PGRMC2: variants seen among roughly 807,000 people sequenced by gnomAD.
PGRMC2 encodes the protein progesterone receptor membrane component 2, also known as membrane-associated progesterone receptor component 2.
Under a neutral mutation model 19.3 loss-of-function variants are expected in PGRMC2, and 9 were observed. That is an observed-to-expected ratio of 0.47 (90% CI 0.28 to 0.81). The LOEUF (loss-of-function observed/expected upper bound fraction) is 0.81, where lower values mean the gene tolerates loss of function less well. PGRMC2 is among the 40% of genes least tolerant of loss of function. The pLI is 0.11. For missense variants in PGRMC2, 289 were observed against 297.3 expected (o/e 0.97, Z 0.21); for synonymous variants, 157 against 124.6 (o/e 1.26, Z -1.73).
At chr4:128,272,566 A>T in intron 1 of PGRMC2, 49 bp from the exon 2 acceptor site, 3 of 869,896 alleles carry the variant, frequency 3.4e-6, no homozygotes, top group Non-Finnish European at 4.8e-6. Context: ...ATATTTTAGA[A>T]TGTCTCAAAG....
rs566931539 is a variant in PGRMC2, at chr4:128,269,360, TAC to T, written c.*1954_*1955del. ...TATTTAGGGTTTCTCTATTCACAAG[TAC>T]AGTTTATTACTAGACTTTAGGCTTG... On this transcript the variant is annotated 3_prime_UTR_variant, in exon 3 of 3. Coordinates refer to ENST00000296425, the MANE Select transcript of PGRMC2 (RefSeq NM_006320.6). The T allele has an allele frequency of 1.6e-3, 241 of 152,342 alleles. 1 individual carries two copies. Among genetic ancestry groups the T allele is most frequent in the African/African-American group, 5.5e-3 (227 of 41,570 alleles). 9.4% of individuals were successfully genotyped at this position (152,342 alleles called of 1,614,324 possible).
chr4:128,286,451 TCAAAA>T (rs1760984907), intron 1 of PGRMC2, among the ~76,000 whole-genome samples: 2 of 152,134 alleles, frequency 1.3e-5, no homozygotes, highest in Admixed American at 6.5e-5. Context: ...CAAAGTTCTC[TCAAAA>T]CAAAGTTCTA....
Position 128,287,444 on chromosome 4 carries a change from T to C in PGRMC2, c.347A>G (p.Asn116Ser), listed in dbSNP as rs1761001783. The C allele has an allele frequency of 1.2e-6, 2 of 1,613,300 alleles. No homozygotes were observed. The highest frequency in any genetic ancestry group is 1.3e-5 in the African/African-American group (1 of 74,864). ...EQLRQYDGSR[N>S]PRILLAVNGK... ...ATTGACCGCGAGCAGGATGCGCGGG[T>C]TGCGGGAGCCGTCGTACTGGCGCAG... Residue 116 changes from asparagine to serine, a missense_variant, in exon 1 of 3, where the codon AAC (asparagine) becomes AGC (serine). By Grantham distance (46) the Asn-to-Ser change is conservative (BLOSUM62 1). Transcript: ENST00000296425.
At chr4:128,281,308 C>G (rs1760907524) in intron 1 of PGRMC2, among the ~76,000 whole-genome samples, 1 of 152,146 alleles carries the variant, frequency 6.6e-6, no homozygotes, top group South Asian at 2.1e-4. Flanking sequence ...AAGAAATAAT[C>G]TGTCAAATGT....
In PGRMC2 at chr4:128,269,559, T is replaced by C. The variant is rs1480282743; in HGVS notation, c.*1757A>G. On this transcript the variant is annotated 3_prime_UTR_variant, in exon 3 of 3. Transcript: ENST00000296425. ...TTCTACAAAACACTCCAAGACTGAA[T>C]AGAATGTAGTATTTTACATACTTTA... 2 of 152,304 alleles carry C rather than the reference T, an allele frequency of 1.3e-5. No individual in the cohort carries two copies. Among genetic ancestry groups the C allele is most frequent in the Admixed American group, 6.5e-5 (1 of 15,288 alleles). The allele number at this position is 152,304 out of a possible 1,614,324, so 9.4% of individuals were successfully genotyped here.
chr4:128,277,545 C>G (rs1453002052), intron 1 of PGRMC2, among the ~76,000 whole-genome samples: 1 of 152,128 alleles, frequency 6.6e-6, no homozygotes, highest in African/African-American at 2.4e-5. Flanking sequence ...AACCATATCT[C>G]TCAGAGATGA....
chr4:128,287,267 G>T (rs1031296000), intron 1 of PGRMC2, 106 bp downstream of exon 1: 54 of 1,335,234 alleles, frequency 4.0e-5, no homozygotes, highest in Non-Finnish European at 5.1e-5. Flanking sequence ...GGGTCCCGGA[G>T]ACGAGAAGGC....
intron 1 of PGRMC2, among the ~76,000 whole-genome samples, chr4:128,277,465 A>G (rs936122275): frequency 1.3e-5 from 2 of 152,316 alleles, no homozygotes; most frequent in Non-Finnish European, 2.9e-5. Flanking sequence ...TAATTTTGTG[A>G]TTATTAGGAT....
At chr4:128,273,532 T>C (rs1561614618) in intron 1 of PGRMC2, among the ~76,000 whole-genome samples, 1 of 152,160 alleles carries the variant, frequency 6.6e-6, no homozygotes, top group Non-Finnish European at 1.5e-5. Flanking sequence ...TCACTTATGG[T>C]AGGCAAAGAC....
At chr4:128,278,528 C>T (rs1276347223) in intron 1 of PGRMC2, among the ~76,000 whole-genome samples, 1 of 151,946 alleles carries the variant, frequency 6.6e-6, no homozygotes, top group East Asian at 1.9e-4. Flanking sequence ...GCCGAGATGG[C>T]GCCACTGCAC....
Position 128,272,389 on chromosome 4 carries a change from C to A in PGRMC2, c.547G>T (p.Val183Phe). 6.6e-7 allele frequency: 1 copy of A among 1,526,132 alleles called. No homozygotes were observed. The highest frequency in any genetic ancestry group is 8.8e-7 in the Non-Finnish European group (1 of 1,141,750). The allele number at this position is 1,526,132 out of a possible 1,614,324, so 94.5% of individuals were successfully genotyped here. A position where few individuals can be genotyped will look rare whatever the true frequency, so the allele number is the denominator to read the frequency against. The change falls in exon 2 of 3, where the codon GTT (valine) becomes TTT (phenylalanine). Residue 183 changes from valine to phenylalanine, a missense_variant. Physicochemically the swap from Val to Phe is conservative, Grantham distance 50. Coordinates refer to ENST00000296425, the MANE Select transcript of PGRMC2 (RefSeq NM_006320.6). ...TTAAACTGCATTTCCCATTCTCGAA[C>A]ACTCTCCATTTGTACTGCATTCAAA... ...SDLNAVQMES[V>F]REWEMQFKEK...
chr4:128,271,508 T>G, intron 2 of PGRMC2, 95 bp from the exon 3 acceptor site: 1 of 603,060 alleles, frequency 1.7e-6, no homozygotes, highest in Non-Finnish European at 2.9e-6. Context: ...TAGAATCATA[T>G]AAAATATGAT....
chr4:128,277,213 T>C (rs1399684371), intron 1 of PGRMC2, among the ~76,000 whole-genome samples: 1 of 152,144 alleles, frequency 6.6e-6, no homozygotes, highest in African/African-American at 2.4e-5. Context: ...CATGAAGTAC[T>C]ATACTAGTCA....
At chr4:128,282,965 T>C (rs984346491) in intron 1 of PGRMC2, among the ~76,000 whole-genome samples, 4 of 152,130 alleles carry the variant, frequency 2.6e-5, no homozygotes, top group Non-Finnish European at 5.9e-5. Flanking sequence ...AAAAGGTAAG[T>C]TGGAAAAAAT....
intron 1 of PGRMC2, among the ~76,000 whole-genome samples, chr4:128,285,795 CTT>C (rs1471162510): frequency 6.6e-6 from 1 of 152,160 alleles, no homozygotes; most frequent in Admixed American, 6.5e-5. Flanking sequence ...GCCCTGTTCT[CTT>C]GTCCCACGTG....
chr4:128,280,561 G>C (rs183351904), intron 1 of PGRMC2, among the ~76,000 whole-genome samples: 2 of 152,098 alleles, frequency 1.3e-5, no homozygotes, highest in African/African-American at 4.8e-5. Context: ...CCAACAAGTG[G>C]AAGACAGTGG....
At chr4:128,272,302 GTA>G in intron 2 of PGRMC2, 58 bp downstream of exon 2, 1 of 1,004,390 alleles carries the variant, frequency 1.0e-6, no homozygotes. Flanking sequence ...ATGTAAAATA[GTA>G]TATATTTTCT....
chr4:128,283,168 C>T (rs891621521), intron 1 of PGRMC2, among the ~76,000 whole-genome samples: 2 of 152,180 alleles, frequency 1.3e-5, no homozygotes, highest in Admixed American at 6.5e-5. Context: ...ATTATACTAG[C>T]TGTTTGAGTC....
rs1761002191 is a variant in PGRMC2 at position 128,287,455 on chromosome 4, G to A, written c.336C>T (p.Asp112=). ...GCAGGATGCGCGGGTTGCGGGAGCC[G>A]TCGTACTGGCGCAGCTGCTCCAAGC... ...DFSLEQLRQY[D]GSRNPRILLA... The change falls in exon 1 of 3, where the codon GAC becomes GAT. Residue 112 remains aspartate (D), a synonymous_variant. Coordinates refer to ENST00000296425, the MANE Select transcript of PGRMC2 (RefSeq NM_006320.6). 4 of 1,613,384 alleles carry A rather than the reference G, an allele frequency of 2.5e-6. No homozygotes were observed. The highest frequency in any genetic ancestry group is 3.4e-6 in the Non-Finnish European group (4 of 1,179,592).
Sources: allele counts gnomAD v4.1 joint callset (sites outside exome capture counted in the v4.1 genomes callset), GRCh38; gene constraint gnomAD v4.1.1; transcripts MANE v1.5; gene names NCBI Gene and HGNC (gene_info 2026-07-23, HGNC 2026-07-21).